The following NBN variants were observed in gnomAD, a reference collection of about 807,000 sequenced individuals.
The protein encoded by NBN is nibrin.
A neutral mutation model predicts 90.8 loss-of-function variants in NBN; 88 were observed. The ratio of observed to expected loss-of-function variants is 0.97; its 90% CI spans 0.82 to 1.16. The LOEUF (loss-of-function observed/expected upper bound fraction) is 1.16, where lower values mean the gene tolerates loss of function less well. Ranked by LOEUF, NBN falls within the 50% of genes most tolerant of loss-of-function variation. The pLI, the probability that NBN is intolerant of heterozygous loss-of-function variation, is 0.00. For synonymous variants in NBN, 328 were observed against 295.1 expected, an observed-to-expected ratio of 1.11 and a Z score of -1.14; for missense variants, 894 against 869.6, an observed-to-expected ratio of 1.03 and a Z score of -0.35.
intron 5 of NBN, among the ~76,000 whole-genome samples, chr8:89,974,416 A>G (rs1811656864): frequency 2.0e-5 from 3 of 152,152 alleles, no homozygotes; most frequent in South Asian, 2.1e-4. Flanking sequence ...TAAGCTTCCT[A>G]AACTGTCAAA....
Position 89,955,473 on chromosome 8 carries a change from CA to C in NBN, c.1206del (p.Val403Ter). On this transcript the variant is annotated frameshift_variant, in exon 10 of 16. Transcript: ENST00000265433. LOFTEE classifies it high-confidence loss of function. ...GAGCTTGTTTTGCAGGACTCCTTTA[CA>C]GTGGGTGCATCTTGTGAAAGCATTC... ...KFRMLSQDAP[T>X]VKESCKTSSN... The C allele has an allele frequency of 6.2e-7, 1 of 1,613,712 alleles. No individual in the cohort carries two copies. The highest frequency in any genetic ancestry group is 1.3e-5 in the African/African-American group (1 of 74,996).
intron 5 of NBN, among the ~76,000 whole-genome samples, chr8:89,974,774 T>C (rs899687902): frequency 2.6e-5 from 4 of 152,182 alleles, no homozygotes; most frequent in Non-Finnish European, 5.9e-5. Flanking sequence ...CCCTCGAGGT[T>C]TCTCACTGCA....
intron 11 of NBN, among the ~76,000 whole-genome samples, chr8:89,951,735 G>C (rs969819383): frequency 1.3e-5 from 2 of 149,666 alleles, no homozygotes; most frequent in African/African-American, 4.9e-5. Context: ...TGTGAAATGA[G>C]AGTAGTCTTA....
In NBN at chr8:89,943,337, TG is replaced by T. The variant is rs1301956720; in HGVS notation, c.2099del (p.Pro700HisfsTer9). 2 of 1,609,900 alleles carry T rather than the reference TG, an allele frequency of 1.2e-6. No homozygotes were observed. On this transcript the variant is annotated frameshift_variant, in exon 14 of 16. Transcript: ENST00000265433. LOFTEE classifies it high-confidence loss of function. ...TTAGATCTGATCCTCCAATGATGTG[TG>T]GAAGTTTTCCTGCTCCAGGATATGT... Reference protein sequence around the residue: ...KVTYPGAGKLPHIIGGSDLIA... With the variant: ...KVTYPGAGKLXHIIGGSDLIA...
chr8:89,951,236 C>T (rs868812751), intron 11 of NBN, among the ~76,000 whole-genome samples: 9 of 143,474 alleles, frequency 6.3e-5, no homozygotes, highest in South Asian at 2.2e-4. Context: ...GGCGTGAACC[C>T]GGGAGGCGGA....
At chr8:89,965,164 C>T (rs961295756) in intron 7 of NBN, among the ~76,000 whole-genome samples, 2 of 150,966 alleles carry the variant, frequency 1.3e-5, no homozygotes, top group African/African-American at 2.4e-5. Flanking sequence ...AACAAATCTA[C>T]GGATACTATG....
intron 1 of NBN, chr8:89,984,278 G>C (rs1170192708): frequency 8.4e-6 from 5 of 592,004 alleles, no homozygotes; most frequent in African/African-American, 3.8e-5. Context: ...AGTCAGGGGA[G>C]GGGCGCGGAG....
intron 2 of NBN, 54 bp downstream of exon 2, chr8:89,982,668 T>G: frequency 6.9e-7 from 1 of 1,450,248 alleles, no homozygotes; most frequent in Non-Finnish European, 9.7e-7. Context: ...AAGAGAATAT[T>G]TTGTGATTTC....
chr8:89,953,514 A>G lies in NBN; in HGVS notation c.1575T>C (p.Asp525=), dbSNP rs587782150. Residue 525 remains aspartate (D), a synonymous_variant, in exon 11 of 16, where the codon GAT becomes GAC. Transcript: ENST00000265433. Reference sequence around the variant, plus strand: ...TTTTCACAATAGATTTTAAATCTGTATCTGTAAATAAGTTATTGTCTGAGT... The same window carrying G: ...TTTTCACAATAGATTTTAAATCTGTGTCTGTAAATAAGTTATTGTCTGAGT... ...DTNSDNNLFT[D]TDLKSIVKNS... The G allele has an allele frequency of 1.2e-6, 2 of 1,613,716 alleles. No individual in the cohort carries two copies. The highest frequency in any genetic ancestry group is 2.2e-5 in the South Asian group (2 of 91,064).
intron 12 of NBN, among the ~76,000 whole-genome samples, chr8:89,947,190 G>A (rs1810229970): frequency 6.6e-6 from 1 of 152,154 alleles, no homozygotes; most frequent in African/African-American, 2.4e-5. Flanking sequence ...AATCCTGCTA[G>A]AAAAGCATCA....
At chr8:89,962,478 A>G (rs1811036303) in intron 8 of NBN, among the ~76,000 whole-genome samples, 2 of 152,222 alleles carry the variant, frequency 1.3e-5, no homozygotes, top group South Asian at 4.1e-4. Flanking sequence ...AAAGTTGAGC[A>G]TATTTCTAGT....
intron 1 of NBN, 131 bp downstream of exon 1, chr8:89,984,394 C>CGCCGCTTCTGCG (rs1298359952): frequency 5.9e-6 from 5 of 852,400 alleles, no homozygotes; most frequent in Admixed American, 2.1e-5. Context: ...ACAGCGTACT[C>CGCCGCTTCTGCG]GCCGCTTCTG....
intron 1 of NBN, among the ~76,000 whole-genome samples, chr8:89,983,061 C>T (rs1372163895): frequency 6.6e-6 from 1 of 151,834 alleles, no homozygotes; most frequent in Non-Finnish European, 1.5e-5. Flanking sequence ...GGTTATCTAA[C>T]TATGGTGTTT....
chr8:89,960,337 T>A (rs1302917657), intron 8 of NBN, among the ~76,000 whole-genome samples: 1 of 152,202 alleles, frequency 6.6e-6, no homozygotes, highest in African/African-American at 2.4e-5. Context: ...GTAAAAATTA[T>A]AAATGTTCAT....
rs147667092 is a variant in NBN at position 89,983,327 on chromosome 8, G to A, written c.38-472C>T. Reference sequence around the variant, plus strand: ...CAAGCCTGTAATCCCAGCTACTTGGGAGGCTGAAGCAAGAGAACTGCTTGA... The same window carrying A: ...CAAGCCTGTAATCCCAGCTACTTGGAAGGCTGAAGCAAGAGAACTGCTTGA... On this transcript the variant is annotated intron_variant, in intron 1 of 15. Coordinates refer to ENST00000265433, the MANE Select transcript of NBN (RefSeq NM_002485.5). Among the ~76,000 whole-genome samples, 319 of 152,096 alleles carry A rather than the reference G, an allele frequency of 2.1e-3. 2 individuals are homozygous for A. The highest frequency in any genetic ancestry group is 7.0e-3 in the African/African-American group (290 of 41,488).
At chr8:89,964,205 C>T (rs1811132285) in intron 8 of NBN, among the ~76,000 whole-genome samples, 1 of 152,138 alleles carries the variant, frequency 6.6e-6, no homozygotes, top group South Asian at 2.1e-4. Flanking sequence ...AAGGATCTTT[C>T]TTATTTTATT....
At chr8:89,941,893 C>A (rs947920188) in intron 14 of NBN, among the ~76,000 whole-genome samples, 5 of 151,998 alleles carry the variant, frequency 3.3e-5, no homozygotes, top group African/African-American at 1.2e-4. Context: ...CCTAAATAAC[C>A]CTTATTTTAA....
At chr8:89,939,441 A>AT (rs1386386431) in intron 14 of NBN, among the ~76,000 whole-genome samples, 1 of 151,158 alleles carries the variant, frequency 6.6e-6, no homozygotes, top group Admixed American at 6.6e-5. Flanking sequence ...GAAATAAGCA[A>AT]AAAAAAAATA....
At position 89,958,770 on chromosome 8, in the gene NBN, G is replaced by C. The variant is rs879020505; in HGVS notation, c.1079C>G (p.Thr360Ser). Residue 360 changes from threonine (T) to serine (S), a missense_variant, in exon 9 of 16, where the codon ACT becomes AGT. Coordinates refer to ENST00000265433, the MANE Select transcript of NBN (RefSeq NM_002485.5). ...EKLMPSAPVNTTTYVADTESE... is the reference protein window; with the variant it reads ...EKLMPSAPVNSTTYVADTESE... Reference sequence around the variant, plus strand: ...TTCTGTGTCAGCTACGTATGTTGTAGTGTTCACTGGGGCGCTTGGCATTAG... The same window carrying C: ...TTCTGTGTCAGCTACGTATGTTGTACTGTTCACTGGGGCGCTTGGCATTAG... 16 of 1,613,992 alleles carry C rather than the reference G, an allele frequency of 9.9e-6. No individual in the cohort carries two copies. The South Asian group carries it at 1.6e-4, about 17-fold the overall frequency.
Sources: allele counts gnomAD v4.1 joint callset (sites outside exome capture counted in the v4.1 genomes callset), GRCh38; gene constraint gnomAD v4.1.1; transcripts MANE v1.5; gene names NCBI Gene and HGNC (gene_info 2026-07-23, HGNC 2026-07-21).